PCMTD1: variants seen among roughly 807,000 people sequenced by gnomAD.
PCMTD1 encodes protein-L-isoaspartate (D-aspartate) O-methyltransferase domain containing 1, also known as protein-L-isoaspartate O-methyltransferase domain-containing protein 1.
A neutral mutation model predicts 37.6 loss-of-function variants in PCMTD1; 12 were observed. The ratio of observed to expected loss-of-function variants is 0.32; its 90% CI spans 0.20 to 0.52. The LOEUF is 0.52. PCMTD1 is among the 20% of genes least tolerant of loss of function. The pLI is 0.97. For missense variants in PCMTD1, 235 were observed against 421.3 expected (o/e 0.56, Z 3.87); for synonymous variants, 117 against 135.8 (o/e 0.86, Z 0.96).
At position 51,853,520 on chromosome 8, in the gene PCMTD1, A is replaced by G. The variant is rs368693808; in HGVS notation, c.307+7325T>C. 2.0e-4 allele frequency among the ~76,000 whole-genome samples: 31 copies of G among 152,312 alleles called. 1 individual carries two copies. The highest frequency in any genetic ancestry group is 7.0e-4 in the African/African-American group (29 of 41,560). ...AAGTAACACGCAGTCAATTGTCATTATTTACTGTATAATAGTTATGTTCTA... is the reference window on the plus strand; with the variant it reads ...AAGTAACACGCAGTCAATTGTCATTGTTTACTGTATAATAGTTATGTTCTA... On this transcript the variant is annotated intron_variant, in intron 2 of 5. Coordinates refer to ENST00000522514, the MANE Select transcript of PCMTD1 (RefSeq NM_052937.4).
At chr8:51,839,589 C>T (rs569995499) in intron 3 of PCMTD1, 136 of 985,396 alleles carry the variant, frequency 1.4e-4, no homozygotes, top group Non-Finnish European at 1.6e-4. Flanking sequence ...GTGACCTAGC[C>T]TTGCCCTGTA....
chr8:51,829,725 G>A (rs116060475), intron 5 of PCMTD1, among the ~76,000 whole-genome samples: 1 of 152,060 alleles, frequency 6.6e-6, no homozygotes, highest in Non-Finnish European at 1.5e-5. Flanking sequence ...AGCCGAGATC[G>A]TGCCACTGCA....
intron 2 of PCMTD1, among the ~76,000 whole-genome samples, chr8:51,846,467 T>C (rs1400736804): frequency 2.0e-5 from 3 of 152,160 alleles, no homozygotes; most frequent in Admixed American, 2.0e-4. Flanking sequence ...GGACTCAGTG[T>C]CTCCTAAGGC....
At chr8:51,885,540 C>T (rs569703105) in intron 1 of PCMTD1, among the ~76,000 whole-genome samples, 69 of 152,304 alleles carry the variant, frequency 4.5e-4, no homozygotes, top group African/African-American at 1.6e-3. Context: ...CTTTCTGGTG[C>T]CCTTGCTTCT....
At chr8:51,860,697 T>C in intron 2 of PCMTD1, 148 bp downstream of exon 2, 1 of 659,156 alleles carries the variant, frequency 1.5e-6, no homozygotes, top group Non-Finnish European at 2.5e-6. Flanking sequence ...ACTACTACTT[T>C]GTGTTTTCAC....
chr8:51,837,954 T>G (rs1425155821), intron 3 of PCMTD1, among the ~76,000 whole-genome samples: 1 of 152,078 alleles, frequency 6.6e-6, no homozygotes, highest in Admixed American at 6.6e-5. Flanking sequence ...TAATTTTTTG[T>G]ATTTTAGTAG....
rs551931612 is a variant in PCMTD1 at position 51,837,769 on chromosome 8, TTATC to T, written c.411-4084_411-4081del. ...TGTATTCTGATACTAATATCATGAC[TTATC>T]TATCTATTTATTTATTTTTATTTTG... On this transcript the variant is annotated intron_variant, in intron 3 of 5. Transcript: ENST00000522514. 2.3e-3 allele frequency among the ~76,000 whole-genome samples: 357 copies of T among 152,304 alleles called. 2 individuals are homozygous for T. The highest frequency in any genetic ancestry group is 7.6e-3 in the African/African-American group (318 of 41,574).
At chr8:51,821,282 G>A (rs923820529) in intron 5 of PCMTD1, among the ~76,000 whole-genome samples, 3 of 152,156 alleles carry the variant, frequency 2.0e-5, no homozygotes, top group Non-Finnish European at 4.4e-5. Flanking sequence ...TGGGACATAA[G>A]CACACGCCAG....
chr8:51,898,216 G>A (rs1224874983), intron 1 of PCMTD1, among the ~76,000 whole-genome samples: 5 of 152,010 alleles, frequency 3.3e-5, no homozygotes, highest in Non-Finnish European at 5.9e-5. Context: ...CTAAAAAGAG[G>A]ACACACGAAA....
chr8:51,889,672 T>C (rs966441572), intron 1 of PCMTD1, among the ~76,000 whole-genome samples: 6 of 152,214 alleles, frequency 3.9e-5, no homozygotes, highest in African/African-American at 1.2e-4. Flanking sequence ...TGCAAAGTTA[T>C]ACGAAAATGT....
At chr8:51,847,551 C>T (rs1006262263) in intron 2 of PCMTD1, among the ~76,000 whole-genome samples, 2 of 152,036 alleles carry the variant, frequency 1.3e-5, no homozygotes, top group South Asian at 4.1e-4. Flanking sequence ...TGCTTCAACT[C>T]AGGAGACGGA....
intron 1 of PCMTD1, among the ~76,000 whole-genome samples, chr8:51,876,727 G>C (rs1283497151): frequency 1.3e-5 from 2 of 152,144 alleles, no homozygotes; most frequent in Admixed American, 1.3e-4. Flanking sequence ...TACATTTTGG[G>C]AATCTAAACA....
At chr8:51,871,017 GAATATA>G (rs1473187418) in intron 1 of PCMTD1, among the ~76,000 whole-genome samples, 1 of 152,064 alleles carries the variant, frequency 6.6e-6, no homozygotes, top group Non-Finnish European at 1.5e-5. Context: ...ATAGTACACT[GAATATA>G]AAGTTTCTAA....
At chr8:51,860,558 G>C in intron 2 of PCMTD1, 1 of 266,208 alleles carries the variant, frequency 3.8e-6, no homozygotes, top group Non-Finnish European at 7.2e-6. Flanking sequence ...ATCTGAAATA[G>C]ATTAAATATT....
intron 1 of PCMTD1, among the ~76,000 whole-genome samples, chr8:51,862,342 C>T (rs1191491908): frequency 7.9e-6 from 1 of 127,380 alleles, no homozygotes; most frequent in Admixed American, 9.4e-5. Context: ...AGCACTAGAA[C>T]ATGTTTTATA....
intron 1 of PCMTD1, among the ~76,000 whole-genome samples, chr8:51,887,150 G>A (rs2038875826): frequency 6.6e-6 from 1 of 152,102 alleles, no homozygotes; most frequent in Non-Finnish European, 1.5e-5. Context: ...ATCTTAAACT[G>A]ATTAGCAACT....
intron 2 of PCMTD1, 132 bp downstream of exon 2, chr8:51,860,713 A>C (rs2038459509): frequency 1.3e-6 from 1 of 758,668 alleles, no homozygotes; most frequent in African/African-American, 1.7e-5. Flanking sequence ...TTCACATCTA[A>C]GTAAGGAAGA....
intron 3 of PCMTD1, among the ~76,000 whole-genome samples, chr8:51,838,524 A>T (rs2038099881): frequency 6.6e-6 from 1 of 152,054 alleles, no homozygotes; most frequent in Non-Finnish European, 1.5e-5. Flanking sequence ...ATGTTTACTG[A>T]TATTTATATA....
At chr8:51,830,815 T>A (rs1261456006) in intron 5 of PCMTD1, among the ~76,000 whole-genome samples, 2 of 152,210 alleles carry the variant, frequency 1.3e-5, no homozygotes, top group African/African-American at 4.8e-5. Flanking sequence ...AGATGTTGCC[T>A]TGGCAGAAAG....
Sources: allele counts gnomAD v4.1 joint callset (sites outside exome capture counted in the v4.1 genomes callset), GRCh38; gene constraint gnomAD v4.1.1; transcripts MANE v1.5; gene names NCBI Gene and HGNC (gene_info 2026-07-23, HGNC 2026-07-21).